Variants in GRID2 observed in about 807,000 individuals in gnomAD.
GRID2 encodes the protein glutamate ionotropic receptor delta type subunit 2.
Under a neutral mutation model 114.8 loss-of-function variants are expected in GRID2, and 33 were observed. The ratio of observed to expected loss-of-function variants is 0.29; its 90% confidence interval spans 0.22 to 0.38. The LOEUF (loss-of-function observed/expected upper bound fraction) is 0.38. Ranked by LOEUF, GRID2 falls within the 10% of genes least tolerant of loss-of-function variation. GRID2 has a pLI of 1.00. For missense variants in GRID2, 1,184 were observed against 1,257.7 expected, an observed-to-expected ratio of 0.94 and a Z score of 0.89; for synonymous variants, 505 against 449.9, an observed-to-expected ratio of 1.12 and a Z score of -1.55.
At chr4:93,119,024 T>C (rs1196451756) in intron 4 of GRID2, among the ~76,000 whole-genome samples, 1 of 152,222 alleles carries the variant, frequency 6.6e-6, no homozygotes, top group African/African-American at 2.4e-5. Flanking sequence ...AAAATAAGCA[T>C]ATCAATTCTG....
intron 4 of GRID2, among the ~76,000 whole-genome samples, chr4:93,199,417 C>T (rs1276983240): frequency 6.6e-6 from 1 of 152,184 alleles, no homozygotes; most frequent in Non-Finnish European, 1.5e-5. Context: ...CATTAAGAAG[C>T]AGAGCAGGTA....
intron 13 of GRID2, among the ~76,000 whole-genome samples, chr4:93,527,754 A>C (rs1731054813): frequency 1.3e-5 from 2 of 152,144 alleles, no homozygotes; most frequent in Admixed American, 1.3e-4. Flanking sequence ...TTAGGTGTAC[A>C]GTTTAGTAGC....
intron 14 of GRID2, among the ~76,000 whole-genome samples, chr4:93,687,912 G>A (rs1015688300): frequency 5.9e-5 from 9 of 151,824 alleles, no homozygotes; most frequent in African/African-American, 1.5e-4. Context: ...AGGCAAAGAC[G>A]GATATAGGAG....
At chr4:92,337,570 G>A (rs184611087) in intron 1 of GRID2, among the ~76,000 whole-genome samples, 23 of 152,250 alleles carry the variant, frequency 1.5e-4, no homozygotes, top group Admixed American at 3.9e-4. Flanking sequence ...AATCATGGCC[G>A]AAGGCACTTC....
intron 2 of GRID2, among the ~76,000 whole-genome samples, chr4:93,044,351 C>A (rs186736287): frequency 1.3e-5 from 2 of 151,838 alleles, no homozygotes; most frequent in East Asian, 3.9e-4. Flanking sequence ...AGGTAAGATA[C>A]TTTTAGTTTA....
rs550230573 is a variant in GRID2 at position 92,929,871 on chromosome 4, T to C, written c.245-155124T>C. On this transcript the variant is annotated intron_variant, in intron 2 of 15. Transcript: ENST00000282020. ...AAGGTTAATATGTAAAAGTGCTTGA[T>C]ACATACTGTTTGCTTAATAAATATA... Among the ~76,000 whole-genome samples, 4 of 151,524 alleles carry C rather than the reference T, an allele frequency of 2.6e-5. No individual in the cohort carries two copies. The South Asian group carries it at 8.3e-4, about 31-fold the overall frequency.
intron 8 of GRID2, among the ~76,000 whole-genome samples, chr4:93,340,718 C>T (rs1759561584): frequency 1.3e-5 from 2 of 152,134 alleles, no homozygotes; most frequent in Non-Finnish European, 1.5e-5. Flanking sequence ...AAGCTGGAGT[C>T]ACCTAATGTC....
At chr4:93,665,337 C>T (rs768252543) in intron 14 of GRID2, among the ~76,000 whole-genome samples, 1 of 152,168 alleles carries the variant, frequency 6.6e-6, no homozygotes. Context: ...GTATTTGTCT[C>T]ATGTTGTTCT....
intron 2 of GRID2, among the ~76,000 whole-genome samples, chr4:92,923,934 A>G (rs978604244): frequency 6.6e-6 from 1 of 152,176 alleles, no homozygotes; most frequent in African/African-American, 2.4e-5. Flanking sequence ...ATGCTGCTAT[A>G]AAGACACATG....
At chr4:93,191,443 G>A (rs1002297412) in intron 4 of GRID2, among the ~76,000 whole-genome samples, 20 of 151,840 alleles carry the variant, frequency 1.3e-4, no homozygotes, top group African/African-American at 3.6e-4. Context: ...TTTGTTGAAC[G>A]TAATTGAACC....
At chr4:92,691,088 A>G (rs761254623) in intron 2 of GRID2, among the ~76,000 whole-genome samples, 1 of 152,080 alleles carries the variant, frequency 6.6e-6, no homozygotes, top group Non-Finnish European at 1.5e-5. Context: ...ATTTCTTCCC[A>G]TTAGGGTGGA....
At chr4:93,246,910 C>T (rs1311242592) in intron 8 of GRID2, among the ~76,000 whole-genome samples, 1 of 152,140 alleles carries the variant, frequency 6.6e-6, no homozygotes, top group Non-Finnish European at 1.5e-5. Context: ...GTTTCAGCTT[C>T]TTAGGGAGCC....
chr4:92,805,020 G>GC (rs1227299466), intron 2 of GRID2, among the ~76,000 whole-genome samples: 1 of 151,756 alleles, frequency 6.6e-6, no homozygotes, highest in Non-Finnish European at 1.5e-5. Flanking sequence ...TTTATTATGG[G>GC]CCAAAGCTAT....
chr4:92,904,345 AAT>A (rs1747798122), intron 2 of GRID2, among the ~76,000 whole-genome samples: 1 of 150,102 alleles, frequency 6.7e-6, no homozygotes. Context: ...TAATAAAATA[AAT>A]AAAATATATT....
intron 13 of GRID2, among the ~76,000 whole-genome samples, chr4:93,524,795 ATATATATATATATATATATGTATGTATG>A (rs1168101656): frequency 0.049 from 4,029 of 82,906 alleles, 83 homozygotes; most frequent in African/African-American, 0.08. Context: ...GTATATATAT[ATATATATATATATATATATGTATGTATG>A]TATATATATA....
intron 14 of GRID2, among the ~76,000 whole-genome samples, chr4:93,652,784 TAAA>T (rs200098114): frequency 0.018 from 1,521 of 86,170 alleles, 6 homozygotes; most frequent in South Asian, 0.02. Flanking sequence ...CAGTAAATGC[TAAA>T]AAAAAAAAAA....
In GRID2 at chr4:93,610,950, C is replaced by A. The variant is rs181705500; in HGVS notation, c.2194-15319C>A. On this transcript the variant is annotated intron_variant, in intron 13 of 15. Coordinates refer to ENST00000282020, the MANE Select transcript of GRID2 (RefSeq NM_001510.4). Reference sequence around the variant, plus strand: ...CTGTGAATCCATCTGGTCCTGGACTCTTTTAGGTTGGTAAACTATTGATTA... The same window carrying A: ...CTGTGAATCCATCTGGTCCTGGACTATTTTAGGTTGGTAAACTATTGATTA... 2.2e-5 allele frequency among the ~76,000 whole-genome samples: 3 copies of A among 136,544 alleles called. 1 individual carries two copies. In the South Asian group the frequency reaches 7.1e-4, roughly 32 times the overall value. 89.6% of individuals were successfully genotyped at this position (136,544 alleles called of 152,430 possible).
At chr4:93,517,604 T>TACA (rs1360639037) in intron 13 of GRID2, among the ~76,000 whole-genome samples, 2 of 152,052 alleles carry the variant, frequency 1.3e-5, no homozygotes, top group African/African-American at 4.8e-5. Flanking sequence ...GGTTCAAGCT[T>TACA]ACAAGGTCTT....
At chr4:92,616,797 A>C (rs188206548) in intron 2 of GRID2, among the ~76,000 whole-genome samples, 1 of 151,438 alleles carries the variant, frequency 6.6e-6, no homozygotes, top group Non-Finnish European at 1.5e-5. Flanking sequence ...TAGGTTTGCA[A>C]TCCTTTGATA....
Sources: gnomAD v4.1 joint callset for allele counts (sites outside exome capture counted in the v4.1 genomes callset) on GRCh38, gnomAD v4.1.1 for gene constraint, MANE v1.5 for transcripts, NCBI Gene and HGNC (gene_info 2026-07-23, HGNC 2026-07-21) for gene names.